RANBP10: variants seen among roughly 807,000 people sequenced by gnomAD.
The protein encoded by RANBP10 is ran-binding protein 10.
RANBP10 carries 24 observed loss-of-function variants against 72.8 expected under a neutral mutation model. The observed-to-expected ratio is 0.33, with a 90% CI of 0.24 to 0.46. The LOEUF is 0.46. Among genes scored for constraint, RANBP10 ranks in the 20% least tolerant of loss-of-function variants. RANBP10 has a pLI of 1.00. For missense variants in RANBP10, 679 were observed against 817.5 expected (o/e 0.83, Z 2.07); for synonymous variants, 310 against 322.3 (o/e 0.96, Z 0.41).
chr16:67,805,087 T>C (rs1056474210), intron 2 of RANBP10, among the ~76,000 whole-genome samples: 9 of 152,188 alleles, frequency 5.9e-5, no homozygotes, highest in Non-Finnish European at 1.0e-4. Context: ...ACAGCAAGAA[T>C]GTGAAAGGAA....
intron 4 of RANBP10, 196 bp downstream of exon 4, chr16:67,744,092 C>T (rs566391474): frequency 1.4e-4 from 140 of 985,346 alleles, no homozygotes; most frequent in Non-Finnish European, 1.6e-4. Context: ...GCTGGATAAA[C>T]GCAGCTGACT....
At chr16:67,757,513 G>A (rs571122762) in intron 3 of RANBP10, among the ~76,000 whole-genome samples, 110 of 152,270 alleles carry the variant, frequency 7.2e-4, no homozygotes, top group Middle Eastern at 3.4e-3. Context: ...GCATGGGGCC[G>A]TGTCCAGGTA....
chr16:67,754,269 G>C (rs1253474873), intron 3 of RANBP10, among the ~76,000 whole-genome samples: 1 of 152,176 alleles, frequency 6.6e-6, no homozygotes, highest in Non-Finnish European at 1.5e-5. Context: ...GGCAGGTCCA[G>C]GGACTTCGTG....
chr16:67,737,201 T>TG (rs1299011666), intron 5 of RANBP10, among the ~76,000 whole-genome samples: 1 of 134,822 alleles, frequency 7.4e-6, no homozygotes, highest in African/African-American at 2.9e-5. Context: ...TCTTTTTTTT[T>TG]TTTTTTTTTT....
At chr16:67,751,145 C>T (rs2054188134) in intron 3 of RANBP10, among the ~76,000 whole-genome samples, 1 of 152,140 alleles carries the variant, frequency 6.6e-6, no homozygotes, top group South Asian at 2.1e-4. Flanking sequence ...TTTATGAAAG[C>T]TCATGAAATC....
In RANBP10 at chr16:67,730,231, C is replaced by T. The variant is rs979215202; in HGVS notation, c.890-185G>A. Among the ~76,000 whole-genome samples the T allele has an allele frequency of 7.2e-5, 11 of 152,278 alleles. No homozygotes were observed. The highest frequency in any genetic ancestry group is 6.2e-4 in the South Asian group (3 of 4,822). The stretch of plus-strand genomic sequence containing the variant: ...CAGCCCAACAGATCCTGGTTTCTGC[C>T]AAGTGTCAGAGAGTCCTCAAGAATA... On this transcript the variant is annotated intron_variant, in intron 7 of 13. Coordinates refer to ENST00000317506, the MANE Select transcript of RANBP10 (RefSeq NM_020850.3). The surrounding 1 kb of genome is among the most constrained non-coding windows in gnomAD (Gnocchi z 4.3).
At chr16:67,784,181 C>T (rs933562069) in intron 2 of RANBP10, among the ~76,000 whole-genome samples, 3 of 152,048 alleles carry the variant, frequency 2.0e-5, no homozygotes, top group African/African-American at 7.2e-5. Flanking sequence ...TATACCACAA[C>T]CTAATGGGAT....
Position 67,806,513 on chromosome 16 carries a change from C to A in RANBP10, c.24G>T (p.Pro8=), listed in dbSNP as rs1223855324. MAAATAD[P]GAGNPQPGDS... ...CCCCAGGCTGCGGGTTCCCAGCTCC[C>A]GGGTCTGCCGTCGCTGCCGCCATCT... The change falls in exon 1 of 14, where the codon CCG becomes CCT. Residue 8 remains proline (P), a synonymous_variant. Transcript: ENST00000317506. 5 of 1,517,808 alleles carry A rather than the reference C, an allele frequency of 3.3e-6. No individual in the cohort carries two copies. Among genetic ancestry groups the A allele is most frequent in the East Asian group, 2.4e-5 (1 of 40,824 alleles). 94.0% of individuals were successfully genotyped at this position (1,517,808 alleles called of 1,614,324 possible). A position where few individuals can be genotyped will look rare whatever the true frequency, so the allele number is the denominator to read the frequency against.
Position 67,729,588 on chromosome 16 carries a change from G to A in RANBP10, c.1147+92C>T. The A allele has an allele frequency of 6.4e-7, 1 of 1,556,336 alleles. No individual in the cohort carries two copies. The highest frequency in any genetic ancestry group is 8.7e-7 in the Non-Finnish European group (1 of 1,151,452). On this transcript the variant is annotated intron_variant, in intron 9 of 13. Transcript: ENST00000317506. The surrounding 1 kb of genome is among the most constrained non-coding windows in gnomAD (Gnocchi z 7.1). Reference sequence around the variant, plus strand: ...CATTTCCCTTCTCCCAAATCCAGCAGTGAGCCCTGAGCCCAGCCCAGGAAA... The same window carrying A: ...CATTTCCCTTCTCCCAAATCCAGCAATGAGCCCTGAGCCCAGCCCAGGAAA...
chr16:67,742,738 G>A (rs970248918), intron 4 of RANBP10, among the ~76,000 whole-genome samples: 2 of 152,216 alleles, frequency 1.3e-5, no homozygotes, highest in Non-Finnish European at 2.9e-5. Context: ...GAGGAAGGCA[G>A]CTATACAAGG....
intron 2 of RANBP10, among the ~76,000 whole-genome samples, chr16:67,790,425 T>C (rs2055002549): frequency 6.6e-6 from 1 of 151,740 alleles, no homozygotes; most frequent in African/African-American, 2.4e-5. Flanking sequence ...TACCACTGAA[T>C]TACACACTGA....
chr16:67,787,819 A>G (rs1388458356), intron 2 of RANBP10, among the ~76,000 whole-genome samples: 1 of 152,076 alleles, frequency 6.6e-6, no homozygotes, highest in African/African-American at 2.4e-5. Context: ...TGGGTAACAT[A>G]GCGAGATTCT....
chr16:67,803,636 GC>G (rs1460540072), intron 2 of RANBP10, among the ~76,000 whole-genome samples: 3 of 131,938 alleles, frequency 2.3e-5, no homozygotes, highest in Non-Finnish European at 3.1e-5. Context: ...GGCAACAGGA[GC>G]AAAACTCCGT....
At chr16:67,793,132 A>G (rs1205471916) in intron 2 of RANBP10, among the ~76,000 whole-genome samples, 3 of 152,036 alleles carry the variant, frequency 2.0e-5, no homozygotes, top group Non-Finnish European at 2.9e-5. Flanking sequence ...GAGAGTTCCC[A>G]TTAGACCCCA....
At chr16:67,732,668 A>G (rs371959255) in intron 6 of RANBP10, among the ~76,000 whole-genome samples, 2 of 152,314 alleles carry the variant, frequency 1.3e-5, no homozygotes, top group East Asian at 3.9e-4. Flanking sequence ...CTGTCATCCC[A>G]GAACTTTGGG....
At chr16:67,784,243 G>A (rs555562834) in intron 2 of RANBP10, among the ~76,000 whole-genome samples, 26 of 152,300 alleles carry the variant, frequency 1.7e-4, no homozygotes, top group East Asian at 5.8e-4. Flanking sequence ...GGTGGAGGCC[G>A]GGAGAGGTGG....
At chr16:67,755,755 TC>T (rs2054276414) in intron 3 of RANBP10, among the ~76,000 whole-genome samples, 1 of 143,420 alleles carries the variant, frequency 7.0e-6, no homozygotes, top group Admixed American at 6.9e-5. Context: ...GGGAGATACA[TC>T]CGGCTGGCTC....
chr16:67,776,938 A>T (rs1052649104), intron 2 of RANBP10, among the ~76,000 whole-genome samples: 4 of 151,704 alleles, frequency 2.6e-5, no homozygotes, highest in Admixed American at 2.6e-4. Flanking sequence ...TAAGCTGGGC[A>T]CGGTGGCTCA....
At chr16:67,774,528 T>C (rs2054662422) in intron 2 of RANBP10, among the ~76,000 whole-genome samples, 1 of 152,186 alleles carries the variant, frequency 6.6e-6, no homozygotes, top group Admixed American at 6.6e-5. Context: ...TGTTTATTAG[T>C]GGATGGCTCG....
Sources: allele counts gnomAD v4.1 joint callset (sites outside exome capture counted in the v4.1 genomes callset), GRCh38; gene constraint gnomAD v4.1.1; non-coding constraint Gnocchi (gnomAD v3.1); transcripts MANE v1.5; gene names NCBI Gene and HGNC (gene_info 2026-07-23, HGNC 2026-07-21).